Variants in GRB14 observed in about 807,000 individuals in gnomAD.
GRB14 encodes growth factor receptor bound protein 14.
In GRB14, 38 loss-of-function variants were observed where a neutral mutation model predicts 69.1. That is an observed-to-expected ratio of 0.55 (90% CI 0.42 to 0.72). The LOEUF (loss-of-function observed/expected upper bound fraction) is 0.72. Among genes scored for constraint, GRB14 ranks in the 30% least tolerant of loss-of-function variants. The pLI, the probability that GRB14 is intolerant of heterozygous loss-of-function variation, is 0.00. For missense variants in GRB14, 666 were observed against 666.1 expected (o/e 1.00, Z 0.00); for synonymous variants, 247 against 241.3 (o/e 1.02, Z -0.22).
rs1318659081 is a variant in GRB14, at chr2:164,492,954, G to A, written c.*82C>T. On this transcript the variant is annotated 3_prime_UTR_variant, in exon 14 of 14. Coordinates refer to ENST00000263915, the MANE Select transcript of GRB14 (RefSeq NM_004490.3). Reference sequence around the variant, plus strand: ...AAATACATTCTTTTCACATGGTAATGTTTTCGCCCTTATTTATGGTCTTTT... The same window carrying A: ...AAATACATTCTTTTCACATGGTAATATTTTCGCCCTTATTTATGGTCTTTT... The A allele has an allele frequency of 8.9e-5, 115 of 1,296,904 alleles. No homozygotes were observed. Among genetic ancestry groups the A allele is most frequent in the Non-Finnish European group, 1.2e-4 (114 of 947,932 alleles). The allele number at this position is 1,296,904 out of a possible 1,614,324, so 80.3% of individuals were successfully genotyped here.
intron 2 of GRB14, among the ~76,000 whole-genome samples, chr2:164,558,438 G>A (rs985409698): frequency 5.3e-5 from 8 of 151,996 alleles, no homozygotes; most frequent in African/African-American, 1.9e-4. Flanking sequence ...CACACACACA[G>A]ACACACATGT....
Position 164,497,233 on chromosome 2 carries a change from T to A in GRB14, c.1272A>T (p.Ser424=), listed in dbSNP as rs1686925399. The A allele has an allele frequency of 1.2e-6, 2 of 1,613,900 alleles. No homozygotes were observed. Among genetic ancestry groups the A allele is most frequent in the East Asian group, 4.5e-5 (2 of 44,870 alleles). The change falls in exon 11 of 14, where the codon TCA becomes TCT. Residue 424 remains serine, a synonymous_variant. Coordinates refer to ENST00000263915, the MANE Select transcript of GRB14 (RefSeq NM_004490.3). ...TACCCATGTTTGTGGCAGAGCTCTG[T>A]GAAGAGGCAGTGGGGCTACCGTGAG... ...LGTHGSPTAS[S]QSSATNMAIH... is the part of the protein sequence containing the mutation.
intron 2 of GRB14, among the ~76,000 whole-genome samples, chr2:164,550,947 G>A (rs1174316395): frequency 6.6e-6 from 1 of 152,110 alleles, no homozygotes; most frequent in African/African-American, 2.4e-5. Flanking sequence ...TTGGTGCTCT[G>A]GTAGCTCCAC....
At chr2:164,617,376 T>C (rs566986504) in intron 2 of GRB14, among the ~76,000 whole-genome samples, 16 of 152,274 alleles carry the variant, frequency 1.1e-4, no homozygotes, top group South Asian at 4.1e-4. Context: ...AGGAAACCTA[T>C]TGGGGTCAAT....
chr2:164,578,598 A>G (rs1689314114), intron 2 of GRB14, among the ~76,000 whole-genome samples: 1 of 152,034 alleles, frequency 6.6e-6, no homozygotes, highest in Admixed American at 6.6e-5. Flanking sequence ...CTCATCAGTG[A>G]TACGAGAAAC....
intron 2 of GRB14, among the ~76,000 whole-genome samples, chr2:164,615,192 C>A (rs1381935332): frequency 6.6e-6 from 1 of 152,024 alleles, no homozygotes; most frequent in East Asian, 1.9e-4. Flanking sequence ...TACTCATTTT[C>A]TTGTGTTCCC....
intron 2 of GRB14, among the ~76,000 whole-genome samples, chr2:164,553,327 AG>A (rs531120236): frequency 1.4e-4 from 21 of 152,224 alleles, no homozygotes; most frequent in Non-Finnish European, 3.1e-4. Context: ...TAAGTTGACA[AG>A]AATTGAGATG....
chr2:164,617,147 C>A (rs935815897), intron 2 of GRB14, among the ~76,000 whole-genome samples: 3 of 152,172 alleles, frequency 2.0e-5, no homozygotes, highest in Admixed American at 6.5e-5. Context: ...CAGCCTCCCT[C>A]CTCCTCAACT....
At position 164,589,832 on chromosome 2, in the gene GRB14, T is replaced by C. The variant is rs531798058; in HGVS notation, c.324+29855A>G. Among the ~76,000 whole-genome samples the C allele has an allele frequency of 2.6e-5, 4 of 152,310 alleles. No homozygotes were observed. In the East Asian group the frequency reaches 7.7e-4, roughly 29 times the overall value. The stretch of plus-strand genomic sequence containing the variant: ...AAAGCACTACAGACTGGGTGGCTTA[T>C]AAGCAACAAAAGTTTCTTTCTCACA... On this transcript the variant is annotated intron_variant, in intron 2 of 13. Transcript: ENST00000263915.
chr2:164,508,871 G>C lies in GRB14; in HGVS notation c.817-19C>G. 1 of 1,467,978 alleles carries C rather than the reference G, an allele frequency of 6.8e-7. No individual in the cohort carries two copies. The highest frequency in any genetic ancestry group is 9.3e-7 in the Non-Finnish European group (1 of 1,079,672). The allele number at this position is 1,467,978 out of a possible 1,614,324, so 90.9% of individuals were successfully genotyped here. On this transcript the variant is annotated intron_variant, in intron 6 of 13. Transcript: ENST00000263915. ...GCGGTTCCTTAAAAAAAAAAGTATT[G>C]ACATGGATACATATTTTTGCATTAT...
rs781054019 is a variant in GRB14, at chr2:164,508,786, T to C, written c.883A>G (p.Lys295Glu). ...NSDIYVSLAG[K>E]KKHGAPTNYG... Reference sequence around the variant, plus strand: ...TTAGTCGGTGCTCCATGTTTTTTTTTGCCTGCCAGTGACACATAAATATCA... The same window carrying C: ...TTAGTCGGTGCTCCATGTTTTTTTTCGCCTGCCAGTGACACATAAATATCA... The change falls in exon 7 of 14, where the codon AAA (lysine) becomes GAA (glutamate). Residue 295 changes from lysine to glutamate, a missense_variant. Lys to Glu is a moderately conservative substitution (Grantham distance 56). Transcript: ENST00000263915. The C allele has an allele frequency of 6.3e-7, 1 of 1,594,436 alleles. No individual in the cohort carries two copies. The highest frequency in any genetic ancestry group is 1.2e-5 in the South Asian group (1 of 85,644).
intron 12 of GRB14, among the ~76,000 whole-genome samples, 194 bp downstream of exon 12, chr2:164,496,814 C>T (rs1172111852): frequency 6.6e-6 from 1 of 152,044 alleles, no homozygotes; most frequent in Non-Finnish European, 1.5e-5. Flanking sequence ...TATACAAATA[C>T]CAGACACACA....
intron 1 of GRB14, among the ~76,000 whole-genome samples, chr2:164,620,406 G>C (rs1172214216): frequency 6.6e-6 from 1 of 152,088 alleles, no homozygotes; most frequent in African/African-American, 2.4e-5. Context: ...ATATTAAACA[G>C]CAAGGCAGTG....
At chr2:164,602,849 A>G (rs941231700) in intron 2 of GRB14, among the ~76,000 whole-genome samples, 1 of 152,208 alleles carries the variant, frequency 6.6e-6, no homozygotes, top group Non-Finnish European at 1.5e-5. Context: ...TTATGGGAAG[A>G]GAAGACTCTT....
intron 2 of GRB14, among the ~76,000 whole-genome samples, chr2:164,580,603 C>CTGAG (rs1429758951): frequency 6.6e-6 from 1 of 151,724 alleles, no homozygotes; most frequent in Non-Finnish European, 1.5e-5. Context: ...ACTCAGGAGG[C>CTGAG]TGAGGCAGGA....
At chr2:164,506,636 TCAAA>T (rs1025915291) in intron 8 of GRB14, among the ~76,000 whole-genome samples, 10 of 152,258 alleles carry the variant, frequency 6.6e-5, no homozygotes, top group African/African-American at 2.2e-4. Context: ...AAACCTGTAC[TCAAA>T]CAAATACATA....
At chr2:164,618,755 A>G (rs1164139841) in intron 2 of GRB14, among the ~76,000 whole-genome samples, 1 of 152,220 alleles carries the variant, frequency 6.6e-6, no homozygotes, top group Non-Finnish European at 1.5e-5. Context: ...TGAACCCATT[A>G]GAAGCAATAA....
chr2:164,612,068 A>G (rs1256771354), intron 2 of GRB14, among the ~76,000 whole-genome samples: 1 of 152,198 alleles, frequency 6.6e-6, no homozygotes, highest in Non-Finnish European at 1.5e-5. Context: ...GTAGGACTGT[A>G]TTAAAAACTA....
intron 2 of GRB14, among the ~76,000 whole-genome samples, chr2:164,572,442 T>A (rs902374480): frequency 1.3e-5 from 2 of 152,180 alleles, no homozygotes; most frequent in Admixed American, 1.3e-4. Context: ...CTTTCAAGGA[T>A]CTCTCCTTTT....
Sources: gnomAD v4.1 joint callset for allele counts (sites outside exome capture counted in the v4.1 genomes callset) on GRCh38, gnomAD v4.1.1 for gene constraint, MANE v1.5 for transcripts, NCBI Gene and HGNC (gene_info 2026-07-23, HGNC 2026-07-21) for gene names.